Variants in PLXND1 observed in about 807,000 individuals in gnomAD.
PLXND1 encodes the protein plexin D1.
Under a neutral mutation model 197.7 loss-of-function variants are expected in PLXND1, and 54 were observed. That is an observed-to-expected ratio of 0.27 (90% CI 0.22 to 0.34). The LOEUF (loss-of-function observed/expected upper bound fraction) is 0.34. Among genes scored for constraint, PLXND1 ranks in the 10% least tolerant of loss-of-function variants. The pLI, the probability that PLXND1 is intolerant of heterozygous loss-of-function variation, is 1.00. For missense variants in PLXND1, 2,127 were observed against 2,699.2 expected (o/e 0.79, Z 4.70); for synonymous variants, 1,180 against 1,161.2 (o/e 1.02, Z -0.33).
rs138452605 is a variant in PLXND1 at position 129,595,921 on chromosome 3, G to GCGCACACACACACACACACA, written c.1312-6395_1312-6394insTGTGTGTGTGTGTGTGTGCG. ...CTTACAGCCCTGGGGGTGCACGCAC[G>GCGCACACACACACACACACA]CACACACACACACACACACACACAC... On this transcript the variant is annotated intron_variant, in intron 1 of 35. Transcript: ENST00000324093. Among the ~76,000 whole-genome samples the GCGCACACACACACACACACA allele has an allele frequency of 2.6e-3, 379 of 146,506 alleles. 2 individuals are homozygous for GCGCACACACACACACACACA. The highest frequency in any genetic ancestry group is 7.0e-3 in the Middle Eastern group (2 of 284).
chr3:129,600,535 A>C (rs374827154), intron 1 of PLXND1, among the ~76,000 whole-genome samples: 3 of 152,108 alleles, frequency 2.0e-5, no homozygotes, highest in East Asian at 3.9e-4. Context: ...AGGGTAAATG[A>C]CTGGCCCTGG....
In PLXND1 at chr3:129,555,471, C is replaced by T. The variant is rs182162812; in HGVS notation, c.*841G>A. 2.2e-5 allele frequency: 15 copies of T among 679,114 alleles called. No individual in the cohort carries two copies. Among genetic ancestry groups the T allele is most frequent in the Middle Eastern group, 3.0e-4 (1 of 3,364 alleles). 42.1% of individuals were successfully genotyped at this position (679,114 alleles called of 1,614,324 possible). On this transcript the variant is annotated 3_prime_UTR_variant, in exon 36 of 36. Transcript: ENST00000324093. Reference sequence around the variant, plus strand: ...TGTTGCATGGGGAGCCTCTCGGGACCCCTCCCCGGGTCCTCTGCGCAAGCG... The same window carrying T: ...TGTTGCATGGGGAGCCTCTCGGGACTCCTCCCCGGGTCCTCTGCGCAAGCG...
chr3:129,583,493 CA>C lies in PLXND1; in HGVS notation c.2241+73del, dbSNP rs2085413788. ...GGCGGAATATGCAAAGGCATTGAAACATTCTCAACATGTGAATTTTTTAAAA... is the reference window on the plus strand; with the variant it reads ...GGCGGAATATGCAAAGGCATTGAAACTTCTCAACATGTGAATTTTTTAAAA... On this transcript the variant is annotated intron_variant, in intron 8 of 35. Coordinates refer to ENST00000324093, the MANE Select transcript of PLXND1 (RefSeq NM_015103.3). 5.3e-6 allele frequency: 5 copies of C among 951,482 alleles called. No individual in the cohort carries two copies. The East Asian group carries it at 1.0e-4, about 20-fold the overall frequency. The allele number at this position is 951,482 out of a possible 1,614,324, so 58.9% of individuals were successfully genotyped here.
chr3:129,585,880 C>T (rs1446442151), intron 5 of PLXND1, 72 bp downstream of exon 5: 8 of 1,595,746 alleles, frequency 5.0e-6, no homozygotes, highest in African/African-American at 1.3e-5. Context: ...CTCCACCTCT[C>T]GGGGCCTGGG....
At chr3:129,596,817 A>G (rs1482623016) in intron 1 of PLXND1, among the ~76,000 whole-genome samples, 1 of 152,154 alleles carries the variant, frequency 6.6e-6, no homozygotes, top group Non-Finnish European at 1.5e-5. Flanking sequence ...CTGGTCCCAG[A>G]GTCATCGCAC....
intron 6 of PLXND1, 63 bp downstream of exon 6, chr3:129,584,322 C>A: frequency 6.3e-7 from 1 of 1,599,834 alleles, no homozygotes; most frequent in African/African-American, 1.3e-5. Context: ...CCCTGCCATC[C>A]CCATGCCTGA....
intron 1 of PLXND1, among the ~76,000 whole-genome samples, chr3:129,595,921 G>GCGCGCACACACACACACACACACACA (rs138452605): frequency 6.8e-6 from 1 of 146,510 alleles, no homozygotes; most frequent in South Asian, 2.2e-4. Flanking sequence ...GTGCACGCAC[G>GCGCGCACACACACACACACACACACA]CACACACACA....
Position 129,578,430 on chromosome 3 carries a change from G to A in PLXND1, c.2245C>T (p.Pro749Ser). ...AGCAGGGTCCGGGGGCAGTCCTGAG[G>A]GCTCTGCAGAGGAAACAGAAGGAGA... The part of the protein sequence containing the change: ...RCEASPNPTS[P>S]QDCPRTLLSP... The change falls in exon 9 of 36, where the codon CCT becomes TCT. Residue 749 changes from proline to serine, a missense_variant. By Grantham distance (74) the Pro-to-Ser change is moderately conservative. Transcript: ENST00000324093. The A allele has an allele frequency of 6.3e-7, 1 of 1,582,802 alleles. No individual in the cohort carries two copies. The highest frequency in any genetic ancestry group is 8.6e-7 in the Non-Finnish European group (1 of 1,163,352).
intron 8 of PLXND1, among the ~76,000 whole-genome samples, chr3:129,579,321 G>A (rs1021945247): frequency 6.6e-6 from 1 of 152,146 alleles, no homozygotes; most frequent in Non-Finnish European, 1.5e-5. Flanking sequence ...GCTGGGGCGC[G>A]TGTTAAGATG....
Position 129,571,049 on chromosome 3 carries a change from G to A in PLXND1, c.3591C>T (p.Leu1197=), listed in dbSNP as rs749735856. The A allele has an allele frequency of 3.1e-6, 5 of 1,613,808 alleles. No individual in the cohort carries two copies. The highest frequency in any genetic ancestry group is 1.6e-4 in the Middle Eastern group (1 of 6,082). Residue 1197 remains leucine (L), a synonymous_variant, in exon 18 of 36, where the codon CTC becomes CTT. Coordinates refer to ENST00000324093, the MANE Select transcript of PLXND1 (RefSeq NM_015103.3). ...CCCCTTTGGTGCTCACGTGGATAACGAGGGTGAGAGGCTCCCCGGGGTGGT... is the reference window on the plus strand; with the variant it reads ...CCCCTTTGGTGCTCACGTGGATAACAAGGGTGAGAGGCTCCCCGGGGTGGT... The part of the protein sequence containing the change: ...IKHHPGEPLT[L]VIHKEQDSLG...
At position 129,566,692 on chromosome 3, in the gene PLXND1, G is replaced by T. The variant is rs188154615; in HGVS notation, c.4087-61C>A. 1.9e-5 allele frequency: 20 copies of T among 1,037,600 alleles called. No individual in the cohort carries two copies. The African/African-American group carries it at 2.8e-4, about 15-fold the overall frequency. The allele number at this position is 1,037,600 out of a possible 1,614,324, so 64.3% of individuals were successfully genotyped here. On this transcript the variant is annotated intron_variant, in intron 22 of 35. Transcript: ENST00000324093. ...GGACACCCCCTGCTGGCATGGAAAG[G>T]TCACTCACACAGAAAGGGGCACTGG...
At chr3:129,575,737 T>G (rs1362316005) in intron 10 of PLXND1, 29 bp downstream of exon 10, 1 of 1,522,612 alleles carries the variant, frequency 6.6e-7, no homozygotes, top group Non-Finnish European at 9.1e-7. Context: ...AGGCCCGCCC[T>G]CCGCCCATGC....
chr3:129,566,521 A>C lies in PLXND1; in HGVS notation c.4191+6T>G. On this transcript the variant is annotated splice_donor_region_variant and intron_variant, in intron 23 of 35. Transcript: ENST00000324093. Reference sequence around the variant, plus strand: ...GCCCACTGTGTGTGGGTCGTGGGGTACTCACCTTCCACTCTCCCAGCAGTG... The same window carrying C: ...GCCCACTGTGTGTGGGTCGTGGGGTCCTCACCTTCCACTCTCCCAGCAGTG... The C allele has an allele frequency of 1.3e-6, 2 of 1,570,340 alleles. No individual in the cohort carries two copies. Among genetic ancestry groups the C allele is most frequent in the Non-Finnish European group, 1.8e-6 (2 of 1,140,142 alleles).
At chr3:129,589,308 C>CCGGGGGGGG in intron 2 of PLXND1, 43 bp downstream of exon 2, 1 of 628,606 alleles carries the variant, frequency 1.6e-6, no homozygotes, top group Non-Finnish European at 2.9e-6. Context: ...CCCAGGGGAG[C>CCGGGGGGGG]CTCCCACCCC....
At chr3:129,580,463 C>T (rs542768447) in intron 8 of PLXND1, among the ~76,000 whole-genome samples, 30 of 152,328 alleles carry the variant, frequency 2.0e-4, no homozygotes, top group Non-Finnish European at 4.0e-4. Flanking sequence ...CTCGAAGCCA[C>T]TGCCAGGTCT....
rs762872358 is a variant in PLXND1 at position 129,563,172 on chromosome 3, G to A, written c.4590C>T (p.Ile1530=). The A allele has an allele frequency of 3.1e-6, 5 of 1,611,820 alleles. No homozygotes were observed. Among genetic ancestry groups the A allele is most frequent in the East Asian group, 2.2e-5 (1 of 44,848 alleles). ...AIKQQINKGS[I]DAITGKARYT... ...AGCGGGCCTTGCCTGTGATGGCGTC[G>A]ATGGAGCCCTTGTTGATTTGCTGCT... The change falls in exon 26 of 36, where the codon ATC becomes ATT. Residue 1530 remains isoleucine (I), a synonymous_variant. Coordinates refer to ENST00000324093, the MANE Select transcript of PLXND1 (RefSeq NM_015103.3).
chr3:129,595,559 A>G (rs561506493), intron 1 of PLXND1, among the ~76,000 whole-genome samples: 1 of 152,304 alleles, frequency 6.6e-6, no homozygotes, highest in African/African-American at 2.4e-5. Flanking sequence ...CGTTGGAGAA[A>G]CCAAGGCACA....
chr3:129,564,457 G>C (rs2085109152), intron 25 of PLXND1, among the ~76,000 whole-genome samples: 1 of 152,230 alleles, frequency 6.6e-6, no homozygotes, highest in African/African-American at 2.4e-5. Context: ...ACCAGCCTGT[G>C]CAACAAAGCA....
chr3:129,584,338 C>A, intron 6 of PLXND1, 47 bp downstream of exon 6: 1 of 1,604,328 alleles, frequency 6.2e-7, no homozygotes. Flanking sequence ...CCTGACAGTC[C>A]ACCGTTCTGC....
Sources: gnomAD v4.1 joint callset for allele counts (sites outside exome capture counted in the v4.1 genomes callset) on GRCh38, gnomAD v4.1.1 for gene constraint, MANE v1.5 for transcripts, NCBI Gene and HGNC (gene_info 2026-07-23, HGNC 2026-07-21) for gene names.